FNDC3A: variants seen among roughly 807,000 people sequenced by gnomAD.
FNDC3A encodes fibronectin type III domain containing 3A, also known as fibronectin type-III domain-containing protein 3A.
Under a neutral mutation model 148.9 loss-of-function variants are expected in FNDC3A, and 32 were observed. The ratio of observed to expected loss-of-function variants is 0.21; its 90% CI spans 0.16 to 0.29. The LOEUF (loss-of-function observed/expected upper bound fraction) is 0.29, where lower values mean the gene tolerates loss of function less well. Ranked by LOEUF, FNDC3A falls within the 10% of genes least tolerant of loss-of-function variation. The pLI is 1.00. For missense variants in FNDC3A, 1,191 were observed against 1,452.8 expected (o/e 0.82, Z 2.93); for synonymous variants, 472 against 473.6 (o/e 1.00, Z 0.04).
chr13:49,111,755 A>T (rs1880593473), intron 3 of FNDC3A, among the ~76,000 whole-genome samples: 1 of 151,576 alleles, frequency 6.6e-6, no homozygotes, highest in Non-Finnish European at 1.5e-5. Context: ...CTAACCATGT[A>T]CAATTTCTGC....
chr13:49,167,182 A>G, intron 8 of FNDC3A, 62 bp from the exon 9 acceptor site: 3 of 955,890 alleles, frequency 3.1e-6, no homozygotes, highest in Non-Finnish European at 5.0e-6. Flanking sequence ...TAGTGTATAT[A>G]ATGTACATTG....
At chr13:49,151,710 T>C (rs1049650596) in intron 8 of FNDC3A, among the ~76,000 whole-genome samples, 1 of 152,150 alleles carries the variant, frequency 6.6e-6, no homozygotes, top group Non-Finnish European at 1.5e-5. Flanking sequence ...TTTCACTTAA[T>C]GCCATCCCTC....
chr13:49,014,285 C>T (rs1377651718), intron 2 of FNDC3A, among the ~76,000 whole-genome samples: 5 of 86,870 alleles, frequency 5.8e-5, no homozygotes, highest in Admixed American at 1.3e-4. Context: ...TTAATGATTG[C>T]CATTCTAACT....
intron 1 of FNDC3A, among the ~76,000 whole-genome samples, chr13:48,984,929 G>A (rs748690615): frequency 1.3e-5 from 2 of 152,090 alleles, no homozygotes; most frequent in African/African-American, 2.4e-5. Flanking sequence ...TGATCTGCTC[G>A]CCTCAGCCTC....
At chr13:49,181,753 C>CA (rs908422454) in intron 14 of FNDC3A, among the ~76,000 whole-genome samples, 47 of 142,742 alleles carry the variant, frequency 3.3e-4, no homozygotes, top group South Asian at 1.1e-3. Context: ...AGAAAAGCTA[C>CA]AAAAAAAAAA....
intron 14 of FNDC3A, among the ~76,000 whole-genome samples, chr13:49,181,434 G>A (rs752208791): frequency 1.3e-5 from 2 of 152,168 alleles, no homozygotes; most frequent in Non-Finnish European, 2.9e-5. Flanking sequence ...AATTTGGGGG[G>A]CAGAGGCCTA....
chr13:49,008,588 A>G (rs1055468058), intron 2 of FNDC3A, among the ~76,000 whole-genome samples: 1 of 152,172 alleles, frequency 6.6e-6, no homozygotes, highest in African/African-American at 2.4e-5. Flanking sequence ...TAATTTTCTT[A>G]TAGTTGGCTA....
intron 2 of FNDC3A, among the ~76,000 whole-genome samples, chr13:49,058,742 C>T (rs1593529018): frequency 6.6e-6 from 1 of 152,190 alleles, no homozygotes; most frequent in Non-Finnish European, 1.5e-5. Flanking sequence ...TTACGTCATT[C>T]CTAGCAAACT....
chr13:49,051,489 A>G (rs1177098962), intron 2 of FNDC3A, among the ~76,000 whole-genome samples: 2 of 152,206 alleles, frequency 1.3e-5, no homozygotes, highest in East Asian at 3.8e-4. Context: ...TAAGGAGGCT[A>G]AAATAGGACC....
intron 2 of FNDC3A, among the ~76,000 whole-genome samples, chr13:49,012,236 C>G (rs1952364119): frequency 1.3e-5 from 2 of 152,016 alleles, no homozygotes; most frequent in Non-Finnish European, 2.9e-5. Context: ...GCCTCAGCCT[C>G]TCAAGTAGCT....
chr13:49,166,690 A>G (rs1035371008), intron 8 of FNDC3A, among the ~76,000 whole-genome samples: 1 of 152,156 alleles, frequency 6.6e-6, no homozygotes, highest in Non-Finnish European at 1.5e-5. Context: ...CACACTGGAC[A>G]ACCTTTCTAG....
At chr13:49,047,188 A>G (rs1451028425) in intron 2 of FNDC3A, among the ~76,000 whole-genome samples, 1 of 151,462 alleles carries the variant, frequency 6.6e-6, no homozygotes, top group Non-Finnish European at 1.5e-5. Context: ...CATGGTGTAT[A>G]TATGCCACAT....
In FNDC3A at chr13:49,138,786, C is replaced by A; in HGVS notation, c.800C>A (p.Ser267Tyr). ...EETKAFEALL[S>Y]NIVKPVASDI... Reference sequence around the variant, plus strand: ...ACTAAAGCATTTGAAGCACTTCTTTCCAACATTGTCAAACCAGTGGTAAGT... The same window carrying A: ...ACTAAAGCATTTGAAGCACTTCTTTACAACATTGTCAAACCAGTGGTAAGT... Residue 267 changes from serine to tyrosine, a missense_variant, in exon 7 of 26, where the codon TCC becomes TAC. Physicochemically the swap from Ser to Tyr is moderately radical, Grantham distance 144. This residue lies in a region of FNDC3A where 426 missense variants were observed against 473.2 expected (regional missense o/e 0.90). Coordinates refer to ENST00000492622, the MANE Select transcript of FNDC3A (RefSeq NM_001079673.2). 1 of 1,504,932 alleles carries A rather than the reference C, an allele frequency of 6.6e-7. No individual in the cohort carries two copies. Among genetic ancestry groups the A allele is most frequent in the Non-Finnish European group, 9.1e-7 (1 of 1,097,660 alleles). The allele number at this position is 1,504,932 out of a possible 1,614,324, so 93.2% of individuals were successfully genotyped here. A position where few individuals can be genotyped will look rare whatever the true frequency, so the allele number is the denominator to read the frequency against.
intron 8 of FNDC3A, among the ~76,000 whole-genome samples, chr13:49,166,046 T>G (rs1251141067): frequency 6.6e-6 from 1 of 151,804 alleles, no homozygotes; most frequent in Non-Finnish European, 1.5e-5. Flanking sequence ...TCCAGTGGTG[T>G]TTGTAGGTGC....
chr13:49,051,318 G>A (rs909090011), intron 2 of FNDC3A, among the ~76,000 whole-genome samples: 8 of 152,120 alleles, frequency 5.3e-5, no homozygotes, highest in African/African-American at 1.9e-4. Flanking sequence ...TTGCGGATTT[G>A]TTTCAAGATT....
rs530150260 is a variant in FNDC3A at position 49,209,674 on chromosome 13, A to G, written c.*2279A>G. 9 of 152,576 alleles carry G rather than the reference A, an allele frequency of 5.9e-5. No homozygotes were observed. Among genetic ancestry groups the G allele is most frequent in the African/African-American group, 1.4e-4 (6 of 41,542 alleles). The allele number at this position is 152,576 out of a possible 1,614,324, so 9.5% of individuals were successfully genotyped here. ...AAATGTTATGGTCTCCCCTCTTCCA[A>G]TGAGCTTAAAACATTTTTCCCAACA... On this transcript the variant is annotated 3_prime_UTR_variant, in exon 26 of 26. Coordinates refer to ENST00000492622, the MANE Select transcript of FNDC3A (RefSeq NM_001079673.2).
chr13:49,111,020 TTATA>T (rs1880533733), intron 3 of FNDC3A, among the ~76,000 whole-genome samples: 1 of 152,112 alleles, frequency 6.6e-6, no homozygotes, highest in Non-Finnish European at 1.5e-5. Context: ...ATCACATAGA[TTATA>T]AAGGAGCTGC....
chr13:49,146,633 A>G (rs1883011599), intron 8 of FNDC3A: 1 of 152,264 alleles, frequency 6.6e-6, no homozygotes, highest in Admixed American at 6.5e-5. Context: ...GCTACTTAGG[A>G]CGCTGAGGCA....
intron 4 of FNDC3A, among the ~76,000 whole-genome samples, chr13:49,127,208 T>C (rs1345646077): frequency 6.6e-6 from 1 of 152,262 alleles, no homozygotes; most frequent in African/African-American, 2.4e-5. Flanking sequence ...TCTTCTGTGT[T>C]ATCAATTTCT....
Sources: gnomAD v4.1 joint callset for allele counts (sites outside exome capture counted in the v4.1 genomes callset) on GRCh38, gnomAD v4.1.1 for gene constraint, gnomAD v4.1.1 regional missense constraint, MANE v1.5 for transcripts, NCBI Gene and HGNC (gene_info 2026-07-23, HGNC 2026-07-21) for gene names.